Variants in ZDHHC2 observed in about 807,000 individuals in gnomAD.
The protein encoded by ZDHHC2 is palmitoyltransferase ZDHHC2.
ZDHHC2 carries 51 observed loss-of-function variants against 55.6 expected under a neutral mutation model. The observed-to-expected ratio is 0.92, with a 90% confidence interval of 0.73 to 1.16. The LOEUF is 1.16. ZDHHC2 is among the 50% of genes most tolerant of loss of function. The pLI is 0.00. For missense variants in ZDHHC2, 491 were observed against 442.4 expected (o/e 1.11, Z -0.99); for synonymous variants, 199 against 152.9 (o/e 1.30, Z -2.22).
At chr8:17,177,944 A>G (rs1321452966) in intron 1 of ZDHHC2, among the ~76,000 whole-genome samples, 1 of 152,216 alleles carries the variant, frequency 6.6e-6, no homozygotes, top group Non-Finnish European at 1.5e-5. Context: ...AAGAAAATTC[A>G]GATTAAGAAA....
intron 1 of ZDHHC2, chr8:17,162,747 T>C (rs1804410117): frequency 6.6e-6 from 1 of 152,148 alleles, no homozygotes; most frequent in Non-Finnish European, 1.5e-5. Flanking sequence ...GTTGCCACCT[T>C]TCCGGATGCC....
chr8:17,201,680 G>A (rs1030324664), intron 6 of ZDHHC2, among the ~76,000 whole-genome samples: 1 of 101,148 alleles, frequency 9.9e-6, no homozygotes, highest in African/African-American at 4.0e-5. Flanking sequence ...TTTTTTTTTT[G>A]TATTTTTGGG....
chr8:17,213,250 T>C (rs1807475056), intron 10 of ZDHHC2, among the ~76,000 whole-genome samples: 1 of 151,886 alleles, frequency 6.6e-6, no homozygotes, highest in Non-Finnish European at 1.5e-5. Context: ...ACACTGATTT[T>C]TTTTTTCTTT....
chr8:17,201,962 T>C (rs1806803803), intron 6 of ZDHHC2, among the ~76,000 whole-genome samples: 2 of 152,180 alleles, frequency 1.3e-5, no homozygotes, highest in South Asian at 2.1e-4. Flanking sequence ...TGGGGATCAA[T>C]CTCATACTTG....
chr8:17,186,166 A>G (rs1033130901), intron 2 of ZDHHC2, among the ~76,000 whole-genome samples, 165 bp from the exon 3 acceptor site: 3 of 152,236 alleles, frequency 2.0e-5, no homozygotes, highest in African/African-American at 7.2e-5. Flanking sequence ...GGCTTTGGAA[A>G]TAAATTCGTT....
At chr8:17,193,002 G>T (rs565570104) in intron 3 of ZDHHC2, among the ~76,000 whole-genome samples, 9 of 152,070 alleles carry the variant, frequency 5.9e-5, no homozygotes, top group Non-Finnish European at 1.2e-4. Context: ...TGCTATTTTG[G>T]TTACTGTGTA....
At chr8:17,205,857 A>G in intron 7 of ZDHHC2, 82 bp downstream of exon 7, 2 of 1,370,262 alleles carry the variant, frequency 1.5e-6, no homozygotes, top group Non-Finnish European at 2.0e-6. Context: ...TATTTCCGAC[A>G]CTGACTTTAT....
chr8:17,215,660 C>T (rs1297769283), intron 11 of ZDHHC2, among the ~76,000 whole-genome samples: 1 of 152,070 alleles, frequency 6.6e-6, no homozygotes, highest in African/African-American at 2.4e-5. Context: ...AATGAAAAAA[C>T]TACAATCAAA....
At chr8:17,209,158 G>A (rs919180730) in intron 8 of ZDHHC2, among the ~76,000 whole-genome samples, 3 of 152,150 alleles carry the variant, frequency 2.0e-5, no homozygotes, top group Non-Finnish European at 4.4e-5. Flanking sequence ...TGTGTTTGTT[G>A]TGTGACCTTA....
intron 1 of ZDHHC2, among the ~76,000 whole-genome samples, chr8:17,180,308 GA>G (rs1805364727): frequency 1.3e-5 from 2 of 152,136 alleles, no homozygotes; most frequent in African/African-American, 4.8e-5. Flanking sequence ...TGTTAAGAAT[GA>G]AGACCACTTT....
At chr8:17,200,037 G>A (rs1011806774) in intron 6 of ZDHHC2, among the ~76,000 whole-genome samples, 21 of 152,066 alleles carry the variant, frequency 1.4e-4, no homozygotes, top group South Asian at 6.2e-4. Flanking sequence ...TTACAGGCGC[G>A]AGCCACCATG....
chr8:17,203,140 G>A (rs139202675), intron 6 of ZDHHC2, among the ~76,000 whole-genome samples: 2,504 of 147,564 alleles, frequency 0.017, 58 homozygotes, highest in African/African-American at 0.058. Flanking sequence ...GCTCACTGCA[G>A]CCTCTGCCTC....
At chr8:17,218,276 T>C (rs554532934) in intron 12 of ZDHHC2, among the ~76,000 whole-genome samples, 3 of 152,316 alleles carry the variant, frequency 2.0e-5, no homozygotes, top group African/African-American at 7.2e-5. Context: ...AAAATAATTT[T>C]AGAATGTAAC....
intron 7 of ZDHHC2, among the ~76,000 whole-genome samples, chr8:17,206,700 GAAATT>G (rs1807116886): frequency 6.6e-6 from 1 of 152,136 alleles, no homozygotes; most frequent in Admixed American, 6.5e-5. Context: ...TAGGCAAAAA[GAAATT>G]AAAATTGAGG....
At chr8:17,210,685 TAA>T (rs2150945350) in intron 10 of ZDHHC2, among the ~76,000 whole-genome samples, 1 of 152,284 alleles carries the variant, frequency 6.6e-6, no homozygotes, top group South Asian at 2.1e-4. Flanking sequence ...GTTATTAATC[TAA>T]GTGTGAGTAA....
intron 1 of ZDHHC2, among the ~76,000 whole-genome samples, chr8:17,176,639 G>A (rs770644393): frequency 6.6e-6 from 1 of 152,158 alleles, no homozygotes; most frequent in Non-Finnish European, 1.5e-5. Flanking sequence ...CTACCACCCA[G>A]TTCACTGCCA....
intron 10 of ZDHHC2, 89 bp downstream of exon 10, chr8:17,210,569 G>T: frequency 8.8e-7 from 1 of 1,142,602 alleles, no homozygotes. Flanking sequence ...GAAAAAAAAT[G>T]AAGACCATAA....
chr8:17,172,115 C>T (rs184758491), intron 1 of ZDHHC2, among the ~76,000 whole-genome samples: 48 of 152,252 alleles, frequency 3.2e-4, no homozygotes, highest in African/African-American at 9.4e-4. Context: ...CTTAAAGCCC[C>T]TGCACCTGGA....
At chr8:17,210,249 T>G (rs2150944693) in intron 9 of ZDHHC2, 139 bp from the exon 10 acceptor site, 1 of 1,043,796 alleles carries the variant, frequency 9.6e-7, no homozygotes, top group African/African-American at 1.6e-5. Context: ...TCCTGAACAC[T>G]ATGTTGAGCT....
Sources: allele counts gnomAD v4.1 joint callset (sites outside exome capture counted in the v4.1 genomes callset), GRCh38; gene constraint gnomAD v4.1.1; transcripts MANE v1.5; gene names NCBI Gene and HGNC (gene_info 2026-07-23, HGNC 2026-07-21).